CSTF3: variants seen among roughly 807,000 people sequenced by gnomAD.
The protein encoded by CSTF3 is CF-1 77 kDa subunit.
Under a neutral mutation model 105.8 loss-of-function variants are expected in CSTF3, and 29 were observed. The observed-to-expected ratio is 0.27, with a 90% confidence interval of 0.20 to 0.37. The LOEUF (loss-of-function observed/expected upper bound fraction) is 0.37, where lower values mean the gene tolerates loss of function less well. Ranked by LOEUF, CSTF3 falls within the 10% of genes least tolerant of loss-of-function variation. The pLI, the probability that CSTF3 is intolerant of heterozygous loss-of-function variation, is 1.00. For missense variants in CSTF3, 357 were observed against 879.3 expected (o/e 0.41, Z 7.51); for synonymous variants, 252 against 281.9 (o/e 0.89, Z 1.06).
At chr11:33,132,021 T>C (rs1855604994) in intron 3 of CSTF3, among the ~76,000 whole-genome samples, 1 of 152,170 alleles carries the variant, frequency 6.6e-6, no homozygotes, top group South Asian at 2.1e-4. Flanking sequence ...TATATATTAT[T>C]CTTTCAAATT....
At chr11:33,142,198 G>A (rs1855720437) in intron 1 of CSTF3, among the ~76,000 whole-genome samples, 1 of 151,778 alleles carries the variant, frequency 6.6e-6, no homozygotes, top group African/African-American at 2.4e-5. Context: ...AACCAAGGGT[G>A]GATTGAAAAT....
chr11:33,158,879 G>T (rs1052504995), intron 1 of CSTF3, among the ~76,000 whole-genome samples: 5 of 152,140 alleles, frequency 3.3e-5, no homozygotes, highest in African/African-American at 9.7e-5. Context: ...GCAGTGTTAA[G>T]TGTCCTTGAC....
intron 1 of CSTF3, among the ~76,000 whole-genome samples, chr11:33,147,491 A>G (rs1855799140): frequency 2.0e-5 from 3 of 151,834 alleles, no homozygotes; most frequent in African/African-American, 7.3e-5. Context: ...GATACTTGGG[A>G]GGCTGAGGCA....
chr11:33,159,245 C>T (rs1396790372), intron 1 of CSTF3, among the ~76,000 whole-genome samples: 2 of 151,982 alleles, frequency 1.3e-5, no homozygotes, highest in Non-Finnish European at 2.9e-5. Flanking sequence ...ATCGCTTGAG[C>T]CCAGGAGTTC....
intron 3 of CSTF3, among the ~76,000 whole-genome samples, chr11:33,117,628 G>C (rs1232975359): frequency 1.3e-5 from 2 of 150,364 alleles, no homozygotes. Flanking sequence ...ACACAACTGA[G>C]CTCTTAACCA....
chr11:33,157,897 ATT>A (rs1415222399), intron 1 of CSTF3, among the ~76,000 whole-genome samples: 1 of 151,896 alleles, frequency 6.6e-6, no homozygotes, highest in African/African-American at 2.4e-5. Flanking sequence ...CATTGAGTTT[ATT>A]TTTCTCATCC....
In CSTF3 at chr11:33,105,985, GT is replaced by G. The variant is rs1855321973; in HGVS notation, c.423+12del. On this transcript the variant is annotated intron_variant, in intron 6 of 20. Transcript: ENST00000323959. ...TACATTTAAGTGCATACATTAAAAAGTTTTAACTCTACCTGATAGGACATAA... is the reference window on the plus strand; with the variant it reads ...TACATTTAAGTGCATACATTAAAAAGTTTAACTCTACCTGATAGGACATAA... 1 of 1,601,252 alleles carries G rather than the reference GT, an allele frequency of 6.2e-7. No individual in the cohort carries two copies. Among genetic ancestry groups the G allele is most frequent in the Non-Finnish European group, 8.5e-7 (1 of 1,170,030 alleles).
At chr11:33,111,866 T>C (rs970593237) in intron 3 of CSTF3, among the ~76,000 whole-genome samples, 1 of 152,206 alleles carries the variant, frequency 6.6e-6, no homozygotes, top group South Asian at 2.1e-4. Context: ...TAAATATTAT[T>C]TGAGAGACCT....
At chr11:33,114,857 A>T (rs909354504) in intron 3 of CSTF3, among the ~76,000 whole-genome samples, 1 of 152,180 alleles carries the variant, frequency 6.6e-6, no homozygotes, top group African/African-American at 2.4e-5. Flanking sequence ...TCAAAAAAAA[A>T]AATTGATAAA....
Position 33,096,978 on chromosome 11 carries a change from C to T in CSTF3, c.1129G>A (p.Val377Ile). 1 of 1,580,568 alleles carries T rather than the reference C, an allele frequency of 6.3e-7. No individual in the cohort carries two copies. Among genetic ancestry groups the T allele is most frequent in the Non-Finnish European group, 8.6e-7 (1 of 1,157,150 alleles). Residue 377 changes from valine (V) to isoleucine (I), a missense_variant and splice_region_variant, in exon 14 of 21, where the codon GTA (valine) becomes ATA (isoleucine). Physicochemically the swap from Val to Ile is conservative, Grantham distance 29. Around this residue, in one of 4 missense-constraint regions of CSTF3, gnomAD observed 206 missense variants for 576.5 expected, o/e 0.36. Transcript: ENST00000323959. ...GCAAATTTCATATATTGGATATATACCTATGCAAAAGAAAGTATTTGTGTT... is the reference window on the plus strand; with the variant it reads ...GCAAATTTCATATATTGGATATATATCTATGCAAAAGAAAGTATTTGTGTT... ...LAIEDIDPTLVYIQYMKFARR... is the reference protein window; with the variant it reads ...LAIEDIDPTLIYIQYMKFARR...
At chr11:33,156,023 C>G (rs1849861199) in intron 1 of CSTF3, among the ~76,000 whole-genome samples, 1 of 152,168 alleles carries the variant, frequency 6.6e-6, no homozygotes. Context: ...TAACACAGTA[C>G]CTTTCTGCTG....
At chr11:33,116,671 C>T (rs773334842) in intron 3 of CSTF3, among the ~76,000 whole-genome samples, 7 of 152,098 alleles carry the variant, frequency 4.6e-5, no homozygotes, top group Non-Finnish European at 8.8e-5. Context: ...TTACTGAATG[C>T]CACTGAGGTT....
chr11:33,151,485 G>A (rs1250968405), intron 1 of CSTF3, among the ~76,000 whole-genome samples: 3 of 151,914 alleles, frequency 2.0e-5, no homozygotes, highest in East Asian at 3.9e-4. Context: ...CATGACTGGC[G>A]TTGTTTTGGC....
intron 3 of CSTF3, among the ~76,000 whole-genome samples, chr11:33,120,624 G>A (rs1773874780): frequency 6.6e-6 from 1 of 151,764 alleles, no homozygotes; most frequent in African/African-American, 2.4e-5. Context: ...TGCTTACTCA[G>A]AAAACAAGCG....
At chr11:33,108,322 G>A (rs191093154) in intron 4 of CSTF3, 64 bp downstream of exon 4, 79 of 1,319,874 alleles carry the variant, frequency 6.0e-5, no homozygotes, top group Non-Finnish European at 7.9e-5. Context: ...TACTACATCT[G>A]TCTTATACAT....
intron 3 of CSTF3, among the ~76,000 whole-genome samples, chr11:33,117,671 A>ATG (rs1349835390): frequency 6.6e-6 from 1 of 151,376 alleles, no homozygotes; most frequent in Non-Finnish European, 1.5e-5. Flanking sequence ...CAATATATAT[A>ATG]TATATGAGGA....
intron 1 of CSTF3, among the ~76,000 whole-genome samples, chr11:33,158,987 TA>T (rs138008678): frequency 1.0e-4 from 15 of 150,404 alleles, no homozygotes; most frequent in African/African-American, 2.7e-4. Context: ...TGATTCTGGT[TA>T]AAAAAAAAAT....
At chr11:33,105,767 A>G (rs1187403200) in intron 7 of CSTF3, 74 bp from the exon 8 acceptor site, 1 of 1,539,380 alleles carries the variant, frequency 6.5e-7, no homozygotes, top group Non-Finnish European at 8.9e-7. Context: ...TCACTACTGG[A>G]TATCTACCCA....
chr11:33,096,254 T>C, intron 15 of CSTF3, 52 bp downstream of exon 15: 3 of 1,213,814 alleles, frequency 2.5e-6, no homozygotes, highest in Non-Finnish European at 3.4e-6. Context: ...AGCAACATAA[T>C]TCCACATGGT....
Sources: allele counts gnomAD v4.1 joint callset (sites outside exome capture counted in the v4.1 genomes callset), GRCh38; gene constraint gnomAD v4.1.1; regional missense constraint gnomAD v4.1.1; transcripts MANE v1.5; gene names NCBI Gene and HGNC (gene_info 2026-07-23, HGNC 2026-07-21).